Variants in SUMF1 observed in about 807,000 individuals in gnomAD.
SUMF1 encodes sulfatase modifying factor 1, also known as formylglycine-generating enzyme.
In SUMF1, 48 loss-of-function variants were observed where a neutral mutation model predicts 47.6. The ratio of observed to expected loss-of-function variants is 1.01; its 90% confidence interval spans 0.80 to 1.28. The LOEUF (loss-of-function observed/expected upper bound fraction) is 1.28. Ranked by LOEUF, SUMF1 falls within the 50% of genes most tolerant of loss-of-function variation. The pLI is 0.00. For missense variants in SUMF1, 571 were observed against 485.4 expected (o/e 1.18, Z -1.66); for synonymous variants, 230 against 192.1 (o/e 1.20, Z -1.63).
chr3:4,338,549 C>T (rs191434167), intron 8 of SUMF1, among the ~76,000 whole-genome samples: 1 of 152,180 alleles, frequency 6.6e-6, no homozygotes, highest in East Asian at 1.9e-4. Flanking sequence ...AAGTTGAGTC[C>T]CTGAGCTCAT....
At chr3:4,248,924 C>T (rs1397641448) in intron 8 of SUMF1, among the ~76,000 whole-genome samples, 1 of 152,152 alleles carries the variant, frequency 6.6e-6, no homozygotes, top group Non-Finnish European at 1.5e-5. Context: ...CTCAAAGAGC[C>T]CTGACATGGG....
chr3:4,426,437 T>G (rs918992029), intron 3 of SUMF1, among the ~76,000 whole-genome samples: 1 of 152,166 alleles, frequency 6.6e-6, no homozygotes, highest in Non-Finnish European at 1.5e-5. Context: ...TTAGGGCAAA[T>G]CCCATCCAAA....
chr3:4,182,358 T>C (rs1239448436), intron 8 of SUMF1, among the ~76,000 whole-genome samples: 2 of 150,688 alleles, frequency 1.3e-5, no homozygotes, highest in East Asian at 3.9e-4. Flanking sequence ...GCATGATAAA[T>C]CCAACTTCCA....
intron 8 of SUMF1, among the ~76,000 whole-genome samples, chr3:4,268,252 G>A (rs1311797775): frequency 1.3e-5 from 2 of 152,018 alleles, no homozygotes; most frequent in Non-Finnish European, 2.9e-5. Flanking sequence ...TGGGGGAGAG[G>A]GGAGGGATAG....
intron 8 of SUMF1, 32 bp from the exon 9 acceptor site, chr3:4,362,286 A>T (rs754514393): frequency 6.3e-7 from 1 of 1,583,192 alleles, no homozygotes; most frequent in South Asian, 1.1e-5. Context: ...GGTAAGTGCT[A>T]CTGGGACTCT....
intron 8 of SUMF1, among the ~76,000 whole-genome samples, chr3:4,151,940 T>C (rs867355739): frequency 6.6e-6 from 1 of 151,576 alleles, no homozygotes; most frequent in African/African-American, 2.4e-5. Flanking sequence ...CTGTACTTGC[T>C]GGATGGTTTC....
intron 8 of SUMF1, among the ~76,000 whole-genome samples, chr3:4,091,416 G>A (rs984655268): frequency 6.6e-6 from 1 of 151,994 alleles, no homozygotes; most frequent in South Asian, 2.1e-4. Flanking sequence ...TGTGCATGAG[G>A]GTGTACGTGC....
chr3:4,418,144 C>T lies in SUMF1; in HGVS notation c.603-12G>A. Reference sequence around the variant, plus strand: ...CTGGATGATCCGGCCTGGGGAAGAGCAAAAGTAGAATGAAAAGTGACACCA... The same window carrying T: ...CTGGATGATCCGGCCTGGGGAAGAGTAAAAGTAGAATGAAAAGTGACACCA... On this transcript the variant is annotated splice_polypyrimidine_tract_variant and intron_variant, in intron 4 of 8. Coordinates refer to ENST00000272902, the MANE Select transcript of SUMF1 (RefSeq NM_182760.4). 1 of 1,613,928 alleles carries T rather than the reference C, an allele frequency of 6.2e-7. No individual in the cohort carries two copies. Among genetic ancestry groups the T allele is most frequent in the Non-Finnish European group, 8.5e-7 (1 of 1,179,974 alleles).
chr3:4,194,785 C>G (rs1486872405), intron 8 of SUMF1, among the ~76,000 whole-genome samples: 2 of 152,120 alleles, frequency 1.3e-5, no homozygotes, highest in African/African-American at 4.8e-5. Context: ...ACTATGTAAG[C>G]ACCCATTAAT....
intron 8 of SUMF1, chr3:4,303,155 C>T: frequency 2.1e-6 from 1 of 475,482 alleles, no homozygotes; most frequent in South Asian, 3.5e-5. Flanking sequence ...TCGTCCGTAC[C>T]TTACATGGTT....
intron 8 of SUMF1, among the ~76,000 whole-genome samples, chr3:4,155,229 A>C (rs1274805861): frequency 6.6e-6 from 1 of 151,418 alleles, no homozygotes; most frequent in Non-Finnish European, 1.5e-5. Context: ...GCTTAGGTTC[A>C]TGTGCAGAGG....
chr3:4,404,820 G>C (rs775667077), intron 7 of SUMF1, among the ~76,000 whole-genome samples: 3 of 151,976 alleles, frequency 2.0e-5, no homozygotes, highest in African/African-American at 4.8e-5. Context: ...TTATAGCAGC[G>C]AAAAATTCTC....
At chr3:4,042,925 A>T (rs1694936922) in intron 9 of SUMF1, among the ~76,000 whole-genome samples, 1 of 152,120 alleles carries the variant, frequency 6.6e-6, no homozygotes, top group Non-Finnish European at 1.5e-5. Context: ...ACCCTCCACC[A>T]GTGCTGCTTA....
At chr3:4,325,789 G>A (rs1001934087) in intron 8 of SUMF1, among the ~76,000 whole-genome samples, 2 of 151,912 alleles carry the variant, frequency 1.3e-5, no homozygotes, top group East Asian at 3.9e-4. Context: ...ATGTAGTCAA[G>A]AAAGAATTCA....
chr3:4,179,072 C>T (rs534082402), intron 8 of SUMF1, among the ~76,000 whole-genome samples: 15 of 152,282 alleles, frequency 9.9e-5, no homozygotes, highest in Non-Finnish European at 2.9e-5. Flanking sequence ...ATGTTCTATG[C>T]TCATGGATAG....
chr3:4,291,605 T>C (rs757966686), intron 8 of SUMF1, among the ~76,000 whole-genome samples: 1 of 152,214 alleles, frequency 6.6e-6, no homozygotes, highest in Non-Finnish European at 1.5e-5. Context: ...AGTCGCTTTT[T>C]ACCACTTCTA....
intron 8 of SUMF1, among the ~76,000 whole-genome samples, chr3:4,088,533 C>A (rs1692719972): frequency 6.6e-6 from 1 of 152,088 alleles, no homozygotes; most frequent in African/African-American, 2.4e-5. Flanking sequence ...CCTCTCCTCC[C>A]TTCCTCCTTT....
intron 8 of SUMF1, among the ~76,000 whole-genome samples, chr3:4,104,763 C>A (rs1301221541): frequency 1.3e-5 from 2 of 151,930 alleles, no homozygotes; most frequent in East Asian, 3.9e-4. Context: ...TTTAACCTTT[C>A]CAGGCCTAAA....
intron 8 of SUMF1, among the ~76,000 whole-genome samples, chr3:4,241,823 T>G (rs923094): frequency 0.66 from 100,050 of 151,966 alleles, 34,187 homozygotes; most frequent in African/African-American, 0.84. Flanking sequence ...ACAGTGGAGT[T>G]CATCAGATTT....
Sources: allele counts gnomAD v4.1 joint callset (sites outside exome capture counted in the v4.1 genomes callset), GRCh38; gene constraint gnomAD v4.1.1; transcripts MANE v1.5; gene names NCBI Gene and HGNC (gene_info 2026-07-23, HGNC 2026-07-21).